CALN1: variants seen among roughly 807,000 people sequenced by gnomAD.
The protein encoded by CALN1 is calcium-binding protein 8.
Under a neutral mutation model 30.6 loss-of-function variants are expected in CALN1, and 17 were observed. The ratio of observed to expected loss-of-function variants is 0.56; its 90% confidence interval spans 0.38 to 0.83. CALN1 has a LOEUF of 0.83. Among genes scored for constraint, CALN1 ranks in the 40% least tolerant of loss-of-function variants. CALN1 has a pLI of 0.00. For missense variants in CALN1, 291 were observed against 354.9 expected, an observed-to-expected ratio of 0.82 and a Z score of 1.45; for synonymous variants, 156 against 131.4, an observed-to-expected ratio of 1.19 and a Z score of -1.28.
chr7:72,224,796 G>C (rs1457084382), intron 3 of CALN1, among the ~76,000 whole-genome samples: 2 of 151,560 alleles, frequency 1.3e-5, no homozygotes, highest in Non-Finnish European at 2.9e-5. Flanking sequence ...TAAAAAAAAA[G>C]AGCAGGATAA....
upstream of CALN1, among the ~76,000 whole-genome samples, chr7:72,451,353 A>G (rs1808660021): frequency 7.4e-6 from 1 of 135,818 alleles, no homozygotes; most frequent in Non-Finnish European, 1.6e-5. Context: ...GGAGAAGAAG[A>G]GAAAAAGTAG....
chr7:72,083,190 G>C (rs1195752557), intron 4 of CALN1, among the ~76,000 whole-genome samples: 1 of 151,802 alleles, frequency 6.6e-6, no homozygotes, highest in Admixed American at 6.6e-5. Context: ...AACAGACAGA[G>C]ACTCTGTCTC....
chr7:71,987,656 G>A (rs375866890), intron 5 of CALN1, among the ~76,000 whole-genome samples: 110 of 152,306 alleles, frequency 7.2e-4, no homozygotes, highest in African/African-American at 2.4e-3. Context: ...GAAGGGTTTC[G>A]GAATTTGCAC....
chr7:72,238,842 G>T (rs1794649747), intron 3 of CALN1, among the ~76,000 whole-genome samples: 1 of 152,116 alleles, frequency 6.6e-6, no homozygotes, highest in African/African-American at 2.4e-5. Context: ...CCCAGTCTCA[G>T]GTATGTCTTT....
chr7:72,083,654 C>G (rs1186161396), intron 4 of CALN1, among the ~76,000 whole-genome samples: 1 of 152,170 alleles, frequency 6.6e-6, no homozygotes, highest in African/African-American at 2.4e-5. Context: ...GGCACAGTGG[C>G]TCACACCTGT....
At chr7:72,076,868 T>C (rs1268190032) in intron 4 of CALN1, among the ~76,000 whole-genome samples, 2 of 152,122 alleles carry the variant, frequency 1.3e-5, no homozygotes, top group Admixed American at 1.3e-4. Context: ...TGAAAACACA[T>C]CGTTCTAAGT....
chr7:71,901,936 A>G (rs1321268367), intron 5 of CALN1, among the ~76,000 whole-genome samples: 2 of 152,196 alleles, frequency 1.3e-5, no homozygotes, highest in Non-Finnish European at 2.9e-5. Context: ...AATTATTACT[A>G]AAGAGCTTTT....
intron 5 of CALN1, among the ~76,000 whole-genome samples, chr7:71,823,696 C>T (rs1056255782): frequency 6.0e-5 from 9 of 150,346 alleles, no homozygotes; most frequent in Non-Finnish European, 7.4e-5. Context: ...CCAGCCTGGG[C>T]AACAGAGCGA....
At chr7:71,983,663 C>A (rs1022041880) in intron 5 of CALN1, among the ~76,000 whole-genome samples, 2 of 152,150 alleles carry the variant, frequency 1.3e-5, no homozygotes, top group African/African-American at 4.8e-5. Context: ...TCCTGAGTAG[C>A]TGGGATTACA....
the CALN1 span, among the ~76,000 whole-genome samples, chr7:72,495,003 G>C: frequency 1.3e-5 from 2 of 151,876 alleles, no homozygotes; most frequent in Admixed American, 6.6e-5. Context: ...GCATGACCTG[G>C]TCTTGGAAAT....
At chr7:72,257,832 G>C (rs1796013923) in intron 3 of CALN1, among the ~76,000 whole-genome samples, 1 of 152,152 alleles carries the variant, frequency 6.6e-6, no homozygotes, top group Non-Finnish European at 1.5e-5. Context: ...AGATGGAGTT[G>C]GAGGCCATTA....
intron 5 of CALN1, among the ~76,000 whole-genome samples, chr7:71,885,885 C>T (rs1488227688): frequency 3.3e-5 from 5 of 152,196 alleles, no homozygotes; most frequent in Non-Finnish European, 7.3e-5. Context: ...TGCTGTACAG[C>T]CTGCAAATCA....
chr7:72,037,109 G>A (rs1271696363), intron 4 of CALN1, among the ~76,000 whole-genome samples: 1 of 151,982 alleles, frequency 6.6e-6, no homozygotes, highest in East Asian at 1.9e-4. Context: ...TAGGAGCTAG[G>A]ACTATAGGTG....
chr7:72,083,521 C>T (rs182981451), intron 4 of CALN1, among the ~76,000 whole-genome samples: 1 of 152,054 alleles, frequency 6.6e-6, no homozygotes, highest in East Asian at 1.9e-4. Flanking sequence ...GAGCTTGAGG[C>T]TGCATCGAGC....
intron 5 of CALN1, among the ~76,000 whole-genome samples, chr7:71,925,843 G>A (rs534508014): frequency 1.3e-5 from 2 of 152,170 alleles, no homozygotes; most frequent in African/African-American, 4.8e-5. Context: ...TCATCCAAGA[G>A]GGGTCAGTGG....
At chr7:72,010,607 T>C (rs964582724) in intron 5 of CALN1, among the ~76,000 whole-genome samples, 1 of 143,982 alleles carries the variant, frequency 6.9e-6, no homozygotes, top group African/African-American at 2.6e-5. Context: ...CATTCAGGAG[T>C]TCAAGACCAG....
intron 4 of CALN1, among the ~76,000 whole-genome samples, chr7:72,047,634 G>A (rs1199106759): frequency 6.6e-6 from 1 of 152,152 alleles, no homozygotes; most frequent in East Asian, 1.9e-4. Flanking sequence ...TCAGTGAGGA[G>A]AACAAACAAG....
chr7:72,094,558 AT>A (rs748816828), intron 4 of CALN1, among the ~76,000 whole-genome samples: 1 of 151,758 alleles, frequency 6.6e-6, no homozygotes, highest in Non-Finnish European at 1.5e-5. Context: ...CTGGCCCAGA[AT>A]TTTTTTTTAA....
chr7:72,090,532 A>G (rs1805785476), intron 4 of CALN1, among the ~76,000 whole-genome samples: 1 of 152,178 alleles, frequency 6.6e-6, no homozygotes, highest in African/African-American at 2.4e-5. Context: ...ATTAAATAAT[A>G]AAGAATTTAA....
Sources: gnomAD v4.1 joint callset for allele counts (sites outside exome capture counted in the v4.1 genomes callset) on GRCh38, gnomAD v4.1.1 for gene constraint, MANE v1.5 for transcripts, NCBI Gene and HGNC (gene_info 2026-07-23, HGNC 2026-07-21) for gene names.